CCDC127: variants seen among roughly 807,000 people sequenced by gnomAD.
CCDC127 encodes the protein coiled-coil domain containing 127.
In CCDC127, 2 loss-of-function variants were observed where a neutral mutation model predicts 4.1. The ratio of observed to expected loss-of-function variants is 0.49; its 90% CI spans 0.20 to 1.53. The LOEUF (loss-of-function observed/expected upper bound fraction) is 1.53. Among genes scored for constraint, CCDC127 ranks in the 40% most tolerant of loss-of-function variants. The pLI is 0.23. For missense variants in CCDC127, 271 were observed against 322.9 expected (o/e 0.84, Z 1.23); for synonymous variants, 98 against 120.4 (o/e 0.81, Z 1.22).
At chr5:208,732 A>G (rs1452631694) in intron 2 of CCDC127, among the ~76,000 whole-genome samples, 1 of 152,244 alleles carries the variant, frequency 6.6e-6, no homozygotes, top group African/African-American at 2.4e-5. Context: ...ACCTGGCAGT[A>G]AGGAGGCTGC....
At chr5:217,969 C>T (rs764097220) in intron 1 of CCDC127, 124 bp downstream of exon 1, 17 of 502,794 alleles carry the variant, frequency 3.4e-5, no homozygotes, top group Non-Finnish European at 4.6e-5. Context: ...GAGCGCCCCC[C>T]TCCGACCCCA....
At chr5:213,194 C>G (rs1254632328) in intron 2 of CCDC127, among the ~76,000 whole-genome samples, 1 of 94,724 alleles carries the variant, frequency 1.1e-5, no homozygotes, top group East Asian at 2.4e-4. Flanking sequence ...AATACTGCAG[C>G]CACGACGAGA....
At chr5:208,790 C>T (rs556537921) in intron 2 of CCDC127, among the ~76,000 whole-genome samples, 8 of 152,210 alleles carry the variant, frequency 5.3e-5, no homozygotes, top group African/African-American at 1.4e-4. Flanking sequence ...CAGCTAAGAC[C>T]GAAGGTTTAA....
At position 205,568 on chromosome 5, in the gene CCDC127, TTCTG is replaced by T. The variant is rs748671074; in HGVS notation, c.508_511del (p.Gln170IlefsTer16). On this transcript the variant is annotated frameshift_variant, in exon 3 of 3. Transcript: ENST00000296824. LOFTEE classifies it low-confidence loss of function (END_TRUNC). ...AGGAAGAAACAGACTGCAGTAGATATTCTGTCTTTCTGTGAGAACAGCTTCAAAT... is the reference window on the plus strand; with the variant it reads ...AGGAAGAAACAGACTGCAGTAGATATTCTTTCTGTGAGAACAGCTTCAAAT... The T allele has an allele frequency of 4.3e-6, 7 of 1,614,122 alleles. No individual in the cohort carries two copies. Among genetic ancestry groups the T allele is most frequent in the African/African-American group, 2.7e-5 (2 of 74,944 alleles).
rs13172041 is a variant in CCDC127, at chr5:197,272, G to A, written c.*8025C>T. On this transcript the variant is annotated 3_prime_UTR_variant, in exon 3 of 3. Transcript: ENST00000296824. Reference sequence around the variant, plus strand: ...ACCGCGACATTCAGTTCCCAGCGGCGAGCAGGAGACAGTGGACTTCTCTCT... The same window carrying A: ...ACCGCGACATTCAGTTCCCAGCGGCAAGCAGGAGACAGTGGACTTCTCTCT... 0.61 allele frequency: 92,511 copies of A among 152,034 alleles called. 30,695 individuals are homozygous for A. The highest frequency in any genetic ancestry group is 0.77 in the South Asian group (3,720 of 4,816). 9.4% of individuals were successfully genotyped at this position (152,034 alleles called of 1,614,324 possible).
Position 198,265 on chromosome 5 carries a change from C to G in CCDC127, c.*7032G>C, listed in dbSNP as rs1217913653. ...CACTGCAGGCAGTGCCTTACTGGAG[C>G]CTTGTCCAGGGACATGAATTTGATA... On this transcript the variant is annotated 3_prime_UTR_variant, in exon 3 of 3. Coordinates refer to ENST00000296824, the MANE Select transcript of CCDC127 (RefSeq NM_145265.3). 6.6e-6 allele frequency: 1 copy of G among 152,316 alleles called. No homozygotes were observed. The highest frequency in any genetic ancestry group is 6.5e-5 in the Admixed American group (1 of 15,294). The allele number at this position is 152,316 out of a possible 1,614,324, so 9.4% of individuals were successfully genotyped here. A position where few individuals can be genotyped will look rare whatever the true frequency, so the allele number is the denominator to read the frequency against.
At chr5:217,536 T>C (rs1734438422) in intron 1 of CCDC127, among the ~76,000 whole-genome samples, 1 of 152,102 alleles carries the variant, frequency 6.6e-6, no homozygotes, top group Admixed American at 6.5e-5. Flanking sequence ...GACACTTTCA[T>C]ATGAGCTAGG....
rs1299079599 is a variant in CCDC127 at position 205,032 on chromosome 5, C to A, written c.*265G>T. 2.6e-6 allele frequency: 1 copy of A among 386,186 alleles called. No individual in the cohort carries two copies. Among genetic ancestry groups the A allele is most frequent in the African/African-American group, 2.0e-5 (1 of 48,996 alleles). The allele number at this position is 386,186 out of a possible 1,614,324, so 23.9% of individuals were successfully genotyped here. A position where few individuals can be genotyped will look rare whatever the true frequency, so the allele number is the denominator to read the frequency against. ...CCTGGAGCTAAAATACGAGGTTATA[C>A]TGTTCTGCTTAATACAATACTGGCA... On this transcript the variant is annotated 3_prime_UTR_variant, in exon 3 of 3. Transcript: ENST00000296824.
chr5:214,405 TG>T (rs1734339280), intron 2 of CCDC127: 1 of 152,186 alleles, frequency 6.6e-6, no homozygotes, highest in South Asian at 2.1e-4. Context: ...GAAACTGAGT[TG>T]GGCCCAGTGA....
In CCDC127 at chr5:205,166, G is replaced by A; in HGVS notation, c.*131C>T. The A allele has an allele frequency of 1.3e-6, 1 of 786,296 alleles. No homozygotes were observed. The allele number at this position is 786,296 out of a possible 1,614,324, so 48.7% of individuals were successfully genotyped here. A position where few individuals can be genotyped will look rare whatever the true frequency, so the allele number is the denominator to read the frequency against. On this transcript the variant is annotated 3_prime_UTR_variant, in exon 3 of 3. Coordinates refer to ENST00000296824, the MANE Select transcript of CCDC127 (RefSeq NM_145265.3). ...CTTCTGCTCAGACGGTGGCGGGAGTGGAGGTCGCTGCTGAAGGGTGACGGT... is the reference window on the plus strand; with the variant it reads ...CTTCTGCTCAGACGGTGGCGGGAGTAGAGGTCGCTGCTGAAGGGTGACGGT...
chr5:214,198 A>G lies in CCDC127; in HGVS notation c.121+2531T>C, dbSNP rs373237650. ...GGGGCTATGGAGGGAGGGGCGGTAC[A>G]CAGGGCAGCACGTGAGGCCCCAGGG... On this transcript the variant is annotated intron_variant, in intron 2 of 2. Coordinates refer to ENST00000296824, the MANE Select transcript of CCDC127 (RefSeq NM_145265.3). The G allele has an allele frequency of 2.6e-5, 4 of 152,194 alleles. No homozygotes were observed. In the East Asian group the frequency reaches 5.8e-4, roughly 22 times the overall value. 9.4% of individuals were successfully genotyped at this position (152,194 alleles called of 1,614,324 possible). A position where few individuals can be genotyped will look rare whatever the true frequency, so the allele number is the denominator to read the frequency against.
chr5:205,502 C>T lies in CCDC127; in HGVS notation c.578G>A (p.Arg193Gln), dbSNP rs766369290. Reference protein sequence around the residue: ...RLEIEKSLLVRASVDPVAADL... With the variant: ...RLEIEKSLLVQASVDPVAADL... The stretch of plus-strand genomic sequence containing the variant: ...AGCGGCGACGGGGTCGACGGACGCT[C>T]GCACCAGTAAGCTCTTCTCTATCTC... The change falls in exon 3 of 3, where the codon CGA becomes CAA. Residue 193 changes from arginine (R) to glutamine (Q), a missense_variant. Transcript: ENST00000296824. The T allele has an allele frequency of 1.2e-5, 20 of 1,613,766 alleles. No individual in the cohort carries two copies. Among genetic ancestry groups the T allele is most frequent in the African/African-American group, 5.3e-5 (4 of 74,928 alleles).
chr5:209,778 G>A (rs921642248), intron 2 of CCDC127, among the ~76,000 whole-genome samples: 5 of 152,312 alleles, frequency 3.3e-5, no homozygotes, highest in East Asian at 3.9e-4. Flanking sequence ...GCACGGCCAC[G>A]TGGGGATTGC....
rs569515808 is a variant in CCDC127 at position 197,154 on chromosome 5, C to T, written c.*8143G>A. 5.9e-5 allele frequency: 9 copies of T among 152,216 alleles called. No individual in the cohort carries two copies. The East Asian group carries it at 1.2e-3, about 20-fold the overall frequency. The allele number at this position is 152,216 out of a possible 1,614,324, so 9.4% of individuals were successfully genotyped here. A position where few individuals can be genotyped will look rare whatever the true frequency, so the allele number is the denominator to read the frequency against. On this transcript the variant is annotated 3_prime_UTR_variant, in exon 3 of 3. Transcript: ENST00000296824. ...AACATCTCAGCAGAGTAAAGAATAA[C>T]AAGGCAGCATTGCCGCAAACATGTC...
intron 2 of CCDC127, chr5:215,780 T>C (rs1044195022): frequency 6.6e-6 from 1 of 152,202 alleles, no homozygotes; most frequent in Admixed American, 6.5e-5. Context: ...AGAGGGCAGT[T>C]TTGCCTTTCT....
At chr5:210,287 T>C (rs1013353673) in intron 2 of CCDC127, among the ~76,000 whole-genome samples, 3 of 152,226 alleles carry the variant, frequency 2.0e-5, no homozygotes, top group African/African-American at 7.2e-5. Context: ...GAAACGATGA[T>C]AAGCTGCCCT....
rs938544347 is a variant in CCDC127, at chr5:202,152, CA to C, written c.*3144del. The C allele has an allele frequency of 1.3e-5, 2 of 152,270 alleles. No homozygotes were observed. The highest frequency in any genetic ancestry group is 2.9e-5 in the Non-Finnish European group (2 of 68,060). 9.4% of individuals were successfully genotyped at this position (152,270 alleles called of 1,614,324 possible). A position where few individuals can be genotyped will look rare whatever the true frequency, so the allele number is the denominator to read the frequency against. The stretch of plus-strand genomic sequence containing the variant: ...CCTTTCGGTACATGTGTGGAGTTAC[CA>C]AATGGCACAGCACCGTGTAACTATT... On this transcript the variant is annotated 3_prime_UTR_variant, in exon 3 of 3. Transcript: ENST00000296824.
intron 2 of CCDC127, among the ~76,000 whole-genome samples, chr5:208,150 C>A (rs62346511): frequency 6.6e-6 from 1 of 152,260 alleles, no homozygotes; most frequent in Non-Finnish European, 1.5e-5. Context: ...TCTGGGAAGA[C>A]GGAGTAGACA....
intron 2 of CCDC127, among the ~76,000 whole-genome samples, chr5:210,264 T>C (rs1475488613): frequency 1.3e-5 from 2 of 152,244 alleles, no homozygotes; most frequent in Non-Finnish European, 2.9e-5. Flanking sequence ...ACAAAAAGCA[T>C]GGTTCATAAA....
Sources: gnomAD v4.1 joint callset for allele counts (sites outside exome capture counted in the v4.1 genomes callset) on GRCh38, gnomAD v4.1.1 for gene constraint, MANE v1.5 for transcripts, NCBI Gene and HGNC (gene_info 2026-07-23, HGNC 2026-07-21) for gene names.